SPATS2: variants seen among roughly 807,000 people sequenced by gnomAD.
SPATS2 encodes the protein spermatogenesis-associated serine-rich protein 2.
In SPATS2, 38 loss-of-function variants were observed where a neutral mutation model predicts 63.7. The observed-to-expected ratio is 0.60, with a 90% confidence interval of 0.46 to 0.78. The LOEUF (loss-of-function observed/expected upper bound fraction) is 0.78, where lower values mean the gene tolerates loss of function less well. Among genes scored for constraint, SPATS2 ranks in the 30% least tolerant of loss-of-function variants. The pLI is 0.00. For missense variants in SPATS2, 588 were observed against 666.2 expected, an observed-to-expected ratio of 0.88 and a Z score of 1.29; for synonymous variants, 207 against 232.9, an observed-to-expected ratio of 0.89 and a Z score of 1.01.
At chr12:49,424,097 G>A (rs1174967618) in intron 2 of SPATS2, among the ~76,000 whole-genome samples, 1 of 152,056 alleles carries the variant, frequency 6.6e-6, no homozygotes, top group Non-Finnish European at 1.5e-5. Context: ...CAGCTGCTCG[G>A]GAGGCTGAGG....
chr12:49,416,931 CAT>C (rs1261268652), intron 2 of SPATS2, among the ~76,000 whole-genome samples: 1 of 152,232 alleles, frequency 6.6e-6, no homozygotes, highest in African/African-American at 2.4e-5. Flanking sequence ...AGACACCCCA[CAT>C]ATATACCTAT....
intron 3 of SPATS2, among the ~76,000 whole-genome samples, chr12:49,468,155 G>GTT (rs1161204784): frequency 3.6e-5 from 3 of 82,902 alleles, no homozygotes; most frequent in Non-Finnish European, 5.3e-5. Context: ...TTTCTTTCTT[G>GTT]TTTTTTTTTT....
intron 2 of SPATS2, among the ~76,000 whole-genome samples, chr12:49,373,828 A>T (rs1235634471): frequency 6.6e-6 from 1 of 152,260 alleles, no homozygotes; most frequent in East Asian, 1.9e-4. Context: ...GGGAGGCAGA[A>T]GAATTGCTTG....
intron 9 of SPATS2, 124 bp from the exon 10 acceptor site, chr12:49,514,431 A>G: frequency 2.6e-6 from 2 of 776,334 alleles, no homozygotes. Flanking sequence ...TGATCCATAC[A>G]ATATTATTTT....
intron 9 of SPATS2, among the ~76,000 whole-genome samples, chr12:49,511,970 G>A (rs570179759): frequency 1.3e-5 from 2 of 152,116 alleles, no homozygotes; most frequent in Non-Finnish European, 2.9e-5. Flanking sequence ...TAATATTTTG[G>A]TGGAACCATT....
At chr12:49,386,094 C>T (rs1363117522) in intron 2 of SPATS2, among the ~76,000 whole-genome samples, 1 of 151,720 alleles carries the variant, frequency 6.6e-6, no homozygotes, top group Non-Finnish European at 1.5e-5. Flanking sequence ...GTCTCAAACT[C>T]CTGACCGCAA....
At chr12:49,413,614 T>C (rs1429864419) in intron 2 of SPATS2, among the ~76,000 whole-genome samples, 1 of 152,100 alleles carries the variant, frequency 6.6e-6, no homozygotes, top group Non-Finnish European at 1.5e-5. Context: ...TCACCCCTTC[T>C]TAAGGCCCCC....
intron 2 of SPATS2, among the ~76,000 whole-genome samples, chr12:49,457,528 G>T (rs1245224800): frequency 1.3e-5 from 2 of 151,944 alleles, no homozygotes; most frequent in Non-Finnish European, 2.9e-5. Flanking sequence ...CCGCCTCCCG[G>T]GTTCAAGCAA....
At chr12:49,525,481 G>A (rs1249079453) in intron 13 of SPATS2, among the ~76,000 whole-genome samples, 4 of 152,176 alleles carry the variant, frequency 2.6e-5, no homozygotes, top group East Asian at 1.9e-4. Flanking sequence ...ATTATAATGC[G>A]AAAGATGTGC....
At chr12:49,506,907 A>G (rs1033496892) in intron 9 of SPATS2, among the ~76,000 whole-genome samples, 7 of 152,158 alleles carry the variant, frequency 4.6e-5, no homozygotes, top group Admixed American at 2.6e-4. Flanking sequence ...GCCGAGGAGC[A>G]TCTGTATTGT....
chr12:49,387,928 A>G (rs1392562692), intron 2 of SPATS2, among the ~76,000 whole-genome samples: 1 of 152,098 alleles, frequency 6.6e-6, no homozygotes, highest in Non-Finnish European at 1.5e-5. Flanking sequence ...ATGATCACAT[A>G]TTAATGCCTT....
At chr12:49,475,154 T>A (rs1946096864) in intron 3 of SPATS2, among the ~76,000 whole-genome samples, 1 of 152,138 alleles carries the variant, frequency 6.6e-6, no homozygotes, top group Non-Finnish European at 1.5e-5. Flanking sequence ...TAAGCTGCCT[T>A]TACTTGCAAG....
chr12:49,470,071 C>A (rs915087306), intron 3 of SPATS2, among the ~76,000 whole-genome samples: 1 of 151,854 alleles, frequency 6.6e-6, no homozygotes, highest in Non-Finnish European at 1.5e-5. Flanking sequence ...TTTTGTTGCC[C>A]AGGCTGGAGT....
At chr12:49,375,659 C>A (rs971521579) in intron 2 of SPATS2, among the ~76,000 whole-genome samples, 1 of 152,060 alleles carries the variant, frequency 6.6e-6, no homozygotes, top group African/African-American at 2.4e-5. Flanking sequence ...CTGCAGGAGC[C>A]CTTTGTATAG....
At chr12:49,464,272 G>A (rs531503772) in intron 3 of SPATS2, among the ~76,000 whole-genome samples, 7 of 152,190 alleles carry the variant, frequency 4.6e-5, no homozygotes, top group Admixed American at 4.6e-4. Context: ...GGGAGGCTGA[G>A]GCAGGAGAAT....
chr12:49,379,558 A>T (rs1464204468), intron 2 of SPATS2, among the ~76,000 whole-genome samples: 1 of 150,354 alleles, frequency 6.7e-6, no homozygotes, highest in Non-Finnish European at 1.5e-5. Flanking sequence ...CTCAAAAAAA[A>T]AAAAAAAAAA....
intron 2 of SPATS2, among the ~76,000 whole-genome samples, chr12:49,450,674 G>T (rs1945605234): frequency 6.6e-6 from 1 of 151,674 alleles, no homozygotes; most frequent in Non-Finnish European, 1.5e-5. Context: ...CTCCTGAGTA[G>T]CTGGCATTAC....
intron 2 of SPATS2, among the ~76,000 whole-genome samples, chr12:49,447,954 G>A (rs1210039769): frequency 2.0e-5 from 3 of 151,320 alleles, no homozygotes; most frequent in African/African-American, 7.3e-5. Flanking sequence ...ATTGATTGTG[G>A]TCTAATCTGT....
At chr12:49,516,048 G>A (rs1215067821) in intron 10 of SPATS2, among the ~76,000 whole-genome samples, 2 of 145,096 alleles carry the variant, frequency 1.4e-5, no homozygotes, top group African/African-American at 2.5e-5. Flanking sequence ...GCTGAGGCAG[G>A]AGAATCACTT....
Sources: allele counts gnomAD v4.1 joint callset (sites outside exome capture counted in the v4.1 genomes callset), GRCh38; gene constraint gnomAD v4.1.1; transcripts MANE v1.5; gene names NCBI Gene and HGNC (gene_info 2026-07-23, HGNC 2026-07-21).